The following PLXDC1 variants were observed in gnomAD, a reference collection of about 807,000 sequenced individuals.
PLXDC1 encodes the protein plexin domain containing 1, also known as plexin domain-containing protein 1.
Under a neutral mutation model 61.3 loss-of-function variants are expected in PLXDC1, and 39 were observed. The observed-to-expected ratio is 0.64, with a 90% CI of 0.49 to 0.83. PLXDC1 has a LOEUF of 0.83. Ranked by LOEUF, PLXDC1 falls within the 40% of genes least tolerant of loss-of-function variation. The pLI, the probability that PLXDC1 is intolerant of heterozygous loss-of-function variation, is 0.00. For synonymous variants in PLXDC1, 212 were observed against 254.5 expected, an observed-to-expected ratio of 0.83 and a Z score of 1.59; for missense variants, 596 against 666.5, an observed-to-expected ratio of 0.89 and a Z score of 1.17.
intron 7 of PLXDC1, among the ~76,000 whole-genome samples, chr17:39,094,295 A>G (rs911862196): frequency 1.3e-5 from 2 of 152,154 alleles, no homozygotes; most frequent in Non-Finnish European, 2.9e-5. Context: ...CTTCCCCTTC[A>G]GCACCAAAAC....
rs185229244 is a variant in PLXDC1, at chr17:39,102,493, G to A, written c.811+3361C>T. The stretch of plus-strand genomic sequence containing the variant: ...GAAATACTCACACGGGGGCATGAAA[G>A]TACCTACTGTATTATTTGTTATAGC... On this transcript the variant is annotated intron_variant, in intron 7 of 13. Coordinates refer to ENST00000315392, the MANE Select transcript of PLXDC1 (RefSeq NM_020405.5). Among the ~76,000 whole-genome samples, 3 of 152,000 alleles carry A rather than the reference G, an allele frequency of 2.0e-5. No individual in the cohort carries two copies. The East Asian group carries it at 5.8e-4, about 29-fold the overall frequency.
At chr17:39,132,967 A>G (rs1911614349) in intron 2 of PLXDC1, among the ~76,000 whole-genome samples, 1 of 152,152 alleles carries the variant, frequency 6.6e-6, no homozygotes. Context: ...TTGAAACCCA[A>G]GAAAACTCTG....
intron 7 of PLXDC1, among the ~76,000 whole-genome samples, chr17:39,096,651 G>A (rs901518223): frequency 5.9e-5 from 9 of 152,220 alleles, no homozygotes; most frequent in Non-Finnish European, 1.2e-4. Context: ...TGTTGGGGCC[G>A]TCCAAGGCCA....
chr17:39,140,440 G>T (rs1041522950), intron 1 of PLXDC1, among the ~76,000 whole-genome samples: 5 of 152,330 alleles, frequency 3.3e-5, no homozygotes, highest in South Asian at 4.1e-4. Context: ...CGAGTAGCTG[G>T]GACTACAGGC....
At chr17:39,111,706 T>A (rs1389418397) in intron 2 of PLXDC1, 1 of 152,186 alleles carries the variant, frequency 6.6e-6, no homozygotes, top group Non-Finnish European at 1.5e-5. Flanking sequence ...ATGTGTACTA[T>A]TTGCAAGAGT....
chr17:39,068,480 C>A (rs1250796109), intron 13 of PLXDC1, among the ~76,000 whole-genome samples: 2 of 152,198 alleles, frequency 1.3e-5, no homozygotes, highest in Admixed American at 6.5e-5. Context: ...AGTTCAAGAC[C>A]AGCCTGGCCA....
chr17:39,099,211 A>C (rs974269183), intron 7 of PLXDC1, among the ~76,000 whole-genome samples: 1 of 151,464 alleles, frequency 6.6e-6, no homozygotes, highest in Non-Finnish European at 1.5e-5. Flanking sequence ...CTGCTCTTTC[A>C]GGTGGGTTGT....
chr17:39,125,156 A>G (rs1478432525), intron 2 of PLXDC1, among the ~76,000 whole-genome samples: 1 of 152,170 alleles, frequency 6.6e-6, no homozygotes, highest in African/African-American at 2.4e-5. Flanking sequence ...TCATGTATCC[A>G]TACAATAACC....
chr17:39,122,062 A>G (rs1009770881), intron 2 of PLXDC1, among the ~76,000 whole-genome samples: 2 of 130,306 alleles, frequency 1.5e-5, no homozygotes, highest in African/African-American at 2.9e-5. Context: ...ACGCCACTGC[A>G]TTCTAGCCTG....
At chr17:39,091,450 T>C (rs1909947291) in intron 7 of PLXDC1, among the ~76,000 whole-genome samples, 1 of 152,050 alleles carries the variant, frequency 6.6e-6, no homozygotes, top group Non-Finnish European at 1.5e-5. Flanking sequence ...GCCGGATGGT[T>C]TAGAATGAGA....
intron 7 of PLXDC1, among the ~76,000 whole-genome samples, chr17:39,095,512 T>G (rs1267448634): frequency 2.6e-5 from 4 of 151,768 alleles, no homozygotes; most frequent in African/African-American, 4.8e-5. Flanking sequence ...CAGAGCACCA[T>G]TTCTGGCAGT....
chr17:39,083,377 G>T, intron 9 of PLXDC1, 82 bp downstream of exon 9: 2 of 1,033,284 alleles, frequency 1.9e-6, no homozygotes, highest in Non-Finnish European at 3.0e-6. Flanking sequence ...ACTGTGGGCA[G>T]TGAGGCCAGG....
intron 7 of PLXDC1, among the ~76,000 whole-genome samples, chr17:39,100,785 A>T (rs1310260881): frequency 6.6e-6 from 1 of 152,244 alleles, no homozygotes; most frequent in Non-Finnish European, 1.5e-5. Flanking sequence ...GTCAGAGCAG[A>T]TGCTGCCTGC....
Position 39,130,314 on chromosome 17 carries a change from G to T in PLXDC1, c.255+9340C>A, listed in dbSNP as rs187478219. ...CAAAAAATTTAAAAATTAGCCTGTT[G>T]TAGTGGCATATGCCTATAGTCCCAG... On this transcript the variant is annotated intron_variant, in intron 2 of 13. Transcript: ENST00000315392. 3.6e-4 allele frequency among the ~76,000 whole-genome samples: 55 copies of T among 152,146 alleles called. 1 individual carries two copies. The highest frequency in any genetic ancestry group is 3.4e-3 in the Admixed American group (52 of 15,272).
intron 13 of PLXDC1, among the ~76,000 whole-genome samples, 192 bp from the exon 14 acceptor site, chr17:39,068,151 C>T (rs1255160895): frequency 2.6e-5 from 4 of 152,228 alleles, no homozygotes; most frequent in Non-Finnish European, 5.9e-5. Context: ...CCCCCAACCA[C>T]TGGGAAACCT....
intron 2 of PLXDC1, among the ~76,000 whole-genome samples, chr17:39,125,559 G>C (rs1189185909): frequency 6.6e-6 from 1 of 152,172 alleles, no homozygotes; most frequent in African/African-American, 2.4e-5. Flanking sequence ...ATTAGGACAA[G>C]GACAGACAAA....
At chr17:39,134,479 A>G (rs945396773) in intron 2 of PLXDC1, among the ~76,000 whole-genome samples, 2 of 151,652 alleles carry the variant, frequency 1.3e-5, no homozygotes, top group Non-Finnish European at 2.9e-5. Flanking sequence ...ACAAAAAATT[A>G]GCCGGGCTTG....
At position 39,128,097 on chromosome 17, in the gene PLXDC1, GTA is replaced by G. The variant is rs1419922925; in HGVS notation, c.255+11555_255+11556del. 1.6e-3 allele frequency among the ~76,000 whole-genome samples: 106 copies of G among 67,470 alleles called. 10 individuals carry two copies. The highest frequency in any genetic ancestry group is 9.3e-3 in the Middle Eastern group (1 of 108). The allele number at this position is 67,470 out of a possible 152,430, so 44.3% of individuals were successfully genotyped here. On this transcript the variant is annotated intron_variant, in intron 2 of 13. Transcript: ENST00000315392. Reference sequence around the variant, plus strand: ...TCTCTCTCTCTCTCTCTCTCTATGTGTATATATATATATATATGTATATATAT... The same window carrying G: ...TCTCTCTCTCTCTCTCTCTCTATGTGTATATATATATATATGTATATATAT...
chr17:39,150,939 G>T (rs560377254), intron 1 of PLXDC1, among the ~76,000 whole-genome samples: 2 of 152,302 alleles, frequency 1.3e-5, no homozygotes, highest in South Asian at 4.1e-4. Context: ...ATCAGCTTTG[G>T]GGTCGGGGGT....
Sources: allele counts gnomAD v4.1 joint callset (sites outside exome capture counted in the v4.1 genomes callset), GRCh38; gene constraint gnomAD v4.1.1; transcripts MANE v1.5; gene names NCBI Gene and HGNC (gene_info 2026-07-23, HGNC 2026-07-21).